The following TEKT5 variants were observed in gnomAD, a reference collection of about 807,000 sequenced individuals.
TEKT5 encodes the protein tektin 5.
Under a neutral mutation model 48.7 loss-of-function variants are expected in TEKT5, and 52 were observed. The observed-to-expected ratio is 1.07, with a 90% confidence interval of 0.86 to 1.35. The LOEUF (loss-of-function observed/expected upper bound fraction) is 1.35, where lower values mean the gene tolerates loss of function less well. Among genes scored for constraint, TEKT5 ranks in the 40% most tolerant of loss-of-function variants. The pLI, the probability that TEKT5 is intolerant of heterozygous loss-of-function variation, is 0.00. For synonymous variants in TEKT5, 318 were observed against 267.6 expected (o/e 1.19, Z -1.84); for missense variants, 831 against 641.6 (o/e 1.30, Z -3.19).
intron 3 of TEKT5, among the ~76,000 whole-genome samples, chr16:10,685,951 G>A (rs974674570): frequency 1.3e-5 from 2 of 152,146 alleles, no homozygotes; most frequent in African/African-American, 4.8e-5. Flanking sequence ...TCAAGTCTGG[G>A]ATTAGTTCAC....
intron 5 of TEKT5, among the ~76,000 whole-genome samples, chr16:10,672,392 G>A (rs950989502): frequency 4.6e-5 from 7 of 152,088 alleles, no homozygotes; most frequent in African/African-American, 1.7e-4. Flanking sequence ...GGAAGTTCAA[G>A]ACCAGCCTGG....
chr16:10,693,668 A>G (rs9939483), intron 1 of TEKT5, among the ~76,000 whole-genome samples: 38,175 of 152,156 alleles, frequency 0.25, 5,389 homozygotes, highest in East Asian at 0.52. Context: ...ATGTTAAATG[A>G]TAAGTATTAC....
chr16:10,672,062 T>C (rs1488208291), intron 5 of TEKT5, among the ~76,000 whole-genome samples: 1 of 152,030 alleles, frequency 6.6e-6, no homozygotes, highest in Non-Finnish European at 1.5e-5. Flanking sequence ...ACTGGGAAGA[T>C]GGAAAAGTTC....
intron 5 of TEKT5, among the ~76,000 whole-genome samples, chr16:10,644,289 T>A (rs1242589657): frequency 6.6e-6 from 1 of 152,214 alleles, no homozygotes; most frequent in Non-Finnish European, 1.5e-5. Context: ...TGAAGTCAAC[T>A]GAGGCCCAGA....
intron 6 of TEKT5, among the ~76,000 whole-genome samples, chr16:10,630,425 A>G (rs1897822695): frequency 6.6e-6 from 1 of 151,950 alleles, no homozygotes; most frequent in Admixed American, 6.6e-5. Flanking sequence ...GTTTTTATAG[A>G]GATGGGGTTT....
At chr16:10,643,795 T>C (rs757290574) in intron 5 of TEKT5, among the ~76,000 whole-genome samples, 13 of 152,180 alleles carry the variant, frequency 8.5e-5, no homozygotes, top group Admixed American at 2.0e-4. Context: ...ACCAGCACTT[T>C]GGGAGGCCAA....
intron 3 of TEKT5, 68 bp downstream of exon 3, chr16:10,689,185 C>T: frequency 2.2e-6 from 3 of 1,352,948 alleles, no homozygotes; most frequent in Non-Finnish European, 3.1e-6. Context: ...CTGGCTTGTC[C>T]CCCAGAAATC....
intron 5 of TEKT5, among the ~76,000 whole-genome samples, chr16:10,644,631 T>C (rs7185132): frequency 0.19 from 29,297 of 152,064 alleles, 3,315 homozygotes; most frequent in African/African-American, 0.29. Context: ...CCAGACCCTA[T>C]GGGGGCACCA....
At chr16:10,628,170 T>G (rs1458466715) in intron 6 of TEKT5, among the ~76,000 whole-genome samples, 1 of 152,120 alleles carries the variant, frequency 6.6e-6, no homozygotes, top group African/African-American at 2.4e-5. Flanking sequence ...CGGTTCAAGG[T>G]AGATGCACTC....
chr16:10,667,147 C>A (rs1898472037), intron 5 of TEKT5, among the ~76,000 whole-genome samples: 1 of 152,084 alleles, frequency 6.6e-6, no homozygotes, highest in East Asian at 1.9e-4. Flanking sequence ...CCATGCCCAG[C>A]TAATTTTTAT....
At chr16:10,650,949 C>A (rs922986406) in intron 5 of TEKT5, among the ~76,000 whole-genome samples, 1 of 151,726 alleles carries the variant, frequency 6.6e-6, no homozygotes, top group African/African-American at 2.4e-5. Flanking sequence ...ACTAGAAACA[C>A]TGGGGCACCA....
chr16:10,691,508 G>C (rs4363862), intron 1 of TEKT5: 66,759 of 152,354 alleles, frequency 0.44, 14,989 homozygotes, highest in East Asian at 0.62. Context: ...GAATGCACCA[G>C]AAGGGAAAAC....
rs139990492 is a variant in TEKT5, at chr16:10,630,973, CT to C, written c.1242-3175del. On this transcript the variant is annotated intron_variant, in intron 6 of 6. Coordinates refer to ENST00000283025, the MANE Select transcript of TEKT5 (RefSeq NM_144674.2). ...CCTGTCATCCCAGCACTTTGGGAGG[CT>C]GAAGTGGCAGATCACTTGAGGTAGA... Among the ~76,000 whole-genome samples the C allele has an allele frequency of 4.3e-3, 647 of 152,036 alleles. 3 individuals carry two copies. The highest frequency in any genetic ancestry group is 5.9e-3 in the Non-Finnish European group (403 of 67,980).
rs142733260 is a variant in TEKT5, at chr16:10,691,075, C to T, written c.565-1050G>A. On this transcript the variant is annotated intron_variant, in intron 1 of 6. Transcript: ENST00000283025. The stretch of plus-strand genomic sequence containing the variant: ...CTCAGTCAGGCTGGGCACAGCGCCT[C>T]CTTCATGCCTTTAATCTCAACACTT... Among the ~76,000 whole-genome samples, 11 of 152,310 alleles carry T rather than the reference C, an allele frequency of 7.2e-5. No homozygotes were observed. The South Asian group carries it at 1.2e-3, about 17-fold the overall frequency.
intron 6 of TEKT5, among the ~76,000 whole-genome samples, chr16:10,632,458 G>A (rs1897852408): frequency 6.6e-6 from 1 of 151,968 alleles, no homozygotes; most frequent in South Asian, 2.1e-4. Flanking sequence ...ACCATGCCTG[G>A]CTAATTTTTG....
intron 5 of TEKT5, among the ~76,000 whole-genome samples, chr16:10,668,145 C>T (rs1328588938): frequency 6.6e-6 from 1 of 151,978 alleles, no homozygotes; most frequent in Non-Finnish European, 1.5e-5. Context: ...TCCCAAAGTG[C>T]TGGGATTACA....
chr16:10,657,113 G>A (rs914265049), intron 5 of TEKT5, among the ~76,000 whole-genome samples: 2 of 148,030 alleles, frequency 1.4e-5, no homozygotes, highest in African/African-American at 5.2e-5. Flanking sequence ...CAAAAATTAG[G>A]TCTGCCTTTT....
In TEKT5 at chr16:10,649,407, C is replaced by T. The variant is rs34066664; in HGVS notation, c.1087-13489G>A. Among the ~76,000 whole-genome samples, 1,410 of 151,830 alleles carry T rather than the reference C, an allele frequency of 9.3e-3. 6 individuals carry two copies. Among genetic ancestry groups the T allele is most frequent in the Non-Finnish European group, 0.014 (956 of 67,934 alleles). On this transcript the variant is annotated intron_variant, in intron 5 of 6. Transcript: ENST00000283025. Reference sequence around the variant, plus strand: ...ATTATAGGCATGAACCAATGCACTCCGCTGTGTCTCTTTTAAATTATTATT... The same window carrying T: ...ATTATAGGCATGAACCAATGCACTCTGCTGTGTCTCTTTTAAATTATTATT...
chr16:10,682,157 T>C (rs1429138239), intron 3 of TEKT5, 21 bp from the exon 4 acceptor site: 1 of 1,612,442 alleles, frequency 6.2e-7, no homozygotes, highest in South Asian at 1.1e-5. Context: ...GGAGGAGTCA[T>C]TCCTGGACTA....
Sources: allele counts gnomAD v4.1 joint callset (sites outside exome capture counted in the v4.1 genomes callset), GRCh38; gene constraint gnomAD v4.1.1; transcripts MANE v1.5; gene names NCBI Gene and HGNC (gene_info 2026-07-23, HGNC 2026-07-21).